The following SOX5 variants were observed in gnomAD, a reference collection of about 807,000 sequenced individuals.
The protein encoded by SOX5 is transcription factor SOX-5.
A neutral mutation model predicts 92.0 loss-of-function variants in SOX5; 9 were observed. That is an observed-to-expected ratio of 0.10 (90% CI 0.06 to 0.17). SOX5 has a LOEUF of 0.17. Ranked by LOEUF, SOX5 falls within the 10% of genes least tolerant of loss-of-function variation. The probability of loss-of-function intolerance (pLI) is 1.00; values close to 1 mark genes in which losing one functional copy is unlikely to be tolerated. For synonymous variants in SOX5, 344 were observed against 336.3 expected, an observed-to-expected ratio of 1.02 and a Z score of -0.25; for missense variants, 642 against 944.5, an observed-to-expected ratio of 0.68 and a Z score of 4.20.
chr12:23,610,947 G>C (rs1296055235), intron 8 of SOX5, among the ~76,000 whole-genome samples: 1 of 152,140 alleles, frequency 6.6e-6, no homozygotes, highest in African/African-American at 2.4e-5. Context: ...GGAAAAGACA[G>C]ATGACAAATG....
At chr12:23,977,520 G>A (rs781378655) in intron 4 of SOX5, among the ~76,000 whole-genome samples, 25 of 152,010 alleles carry the variant, frequency 1.6e-4, no homozygotes, top group Admixed American at 9.2e-4. Flanking sequence ...AGAATTAGCC[G>A]GGACCGGTGG....
chr12:23,970,841 A>ATATATATATATATATTTT lies in SOX5; in HGVS notation c.-1-74818_-1-74817insAAAATATATATATATATA. 1.8e-4 allele frequency among the ~76,000 whole-genome samples: 4 copies of ATATATATATATATATTTT among 21,880 alleles called. 2 individuals are homozygous for ATATATATATATATATTTT. Among genetic ancestry groups the ATATATATATATATATTTT allele is most frequent in the African/African-American group, 5.0e-4 (4 of 8,038 alleles). The allele number at this position is 21,880 out of a possible 152,430, so 14.4% of individuals were successfully genotyped here. ...ACATGGGACTTTATATATATATATA[A>ATATATATATATATATTTT]TTTTTTTTTTTTTTTAAGAAATGGG... On this transcript the variant is annotated intron_variant, in intron 4 of 4. Transcript: ENST00000446891.
At position 24,076,824 on chromosome 12, in the gene SOX5, TA is replaced by T. The variant is rs1018280709; in HGVS notation, c.-2+136518del. On this transcript the variant is annotated intron_variant, in intron 4 of 4. Coordinates refer to the SOX5 transcript ENST00000446891. ...GATGGCAATTTTTTCTTAAAAAAAATAAAATCCAAACCATCCCTAAAAATAG... is the reference window on the plus strand; with the variant it reads ...GATGGCAATTTTTTCTTAAAAAAAATAAATCCAAACCATCCCTAAAAATAG... Among the ~76,000 whole-genome samples, 7 of 148,072 alleles carry T rather than the reference TA, an allele frequency of 4.7e-5. No homozygotes were observed. In the South Asian group the frequency reaches 1.5e-3, roughly 32 times the overall value.
rs568020940 is a variant in SOX5, at chr12:24,093,272, A to G, written c.-2+120071T>C. On this transcript the variant is annotated intron_variant, in intron 4 of 4. Coordinates refer to the SOX5 transcript ENST00000446891. ...CGCGGTGGCTCACACCTGTAATCCC[A>G]GCACTTTGGGAGGCCGAGGCGGGCA... Among the ~76,000 whole-genome samples, 22 of 152,294 alleles carry G rather than the reference A, an allele frequency of 1.4e-4. No homozygotes were observed. The East Asian group carries it at 3.7e-3, about 25-fold the overall frequency.
intron 4 of SOX5, among the ~76,000 whole-genome samples, chr12:24,093,293 G>A (rs147903284): frequency 0.041 from 6,267 of 152,012 alleles, 141 homozygotes; most frequent in Non-Finnish European, 0.051. Flanking sequence ...AGGCCGAGGC[G>A]GGCAGATCAC....
chr12:23,960,711 G>GA (rs1405917172), intron 4 of SOX5, among the ~76,000 whole-genome samples: 8 of 150,892 alleles, frequency 5.3e-5, no homozygotes, highest in Admixed American at 4.6e-4. Context: ...TATATTAAGC[G>GA]AAAAAAACAA....
chr12:23,998,536 G>A (rs1951257120), intron 4 of SOX5, among the ~76,000 whole-genome samples: 1 of 152,090 alleles, frequency 6.6e-6, no homozygotes, highest in African/African-American at 2.4e-5. Flanking sequence ...CAGGAATGGT[G>A]GCTCATGCCT....
intron 1 of SOX5, among the ~76,000 whole-genome samples, chr12:24,406,172 G>A (rs935992466): frequency 6.6e-6 from 1 of 152,146 alleles, no homozygotes; most frequent in Admixed American, 6.5e-5. Context: ...TGGGCCAGGT[G>A]TGAGAGAGCC....
At chr12:24,424,810 G>GC (rs1966481252) in intron 1 of SOX5, among the ~76,000 whole-genome samples, 2 of 148,794 alleles carry the variant, frequency 1.3e-5, no homozygotes, top group Admixed American at 6.7e-5. Flanking sequence ...TTTTTTTTTG[G>GC]GGGGGGGGGA....
intron 5 of SOX5, among the ~76,000 whole-genome samples, chr12:23,737,936 C>A (rs192415475): frequency 1.1e-4 from 16 of 152,194 alleles, no homozygotes; most frequent in African/African-American, 3.6e-4. Flanking sequence ...TAGATAATAC[C>A]CTCATCTCCA....
intron 4 of SOX5, among the ~76,000 whole-genome samples, chr12:23,747,681 A>G (rs1484062678): frequency 2.0e-5 from 3 of 151,862 alleles, no homozygotes; most frequent in Non-Finnish European, 4.4e-5. Flanking sequence ...AGGCCAGACA[A>G]TTTTCATGGG....
intron 1 of SOX5, among the ~76,000 whole-genome samples, chr12:23,940,522 G>T (rs985779162): frequency 6.6e-6 from 1 of 151,138 alleles, no homozygotes; most frequent in African/African-American, 2.4e-5. Flanking sequence ...AGAGTTAACT[G>T]ATTTTAGAAA....
At chr12:23,880,760 C>T (rs1340344939) in intron 2 of SOX5, among the ~76,000 whole-genome samples, 1 of 152,102 alleles carries the variant, frequency 6.6e-6, no homozygotes, top group Non-Finnish European at 1.5e-5. Flanking sequence ...TTGCTTTCCC[C>T]TATAGAGATC....
At chr12:23,624,804 T>A (rs137871017) in intron 8 of SOX5, among the ~76,000 whole-genome samples, 62 of 152,312 alleles carry the variant, frequency 4.1e-4, no homozygotes, top group Middle Eastern at 3.4e-3. Flanking sequence ...TTTTACTGTA[T>A]AATAATTTTA....
intron 1 of SOX5, among the ~76,000 whole-genome samples, chr12:24,387,266 G>A (rs373249654): frequency 6.6e-6 from 1 of 152,156 alleles, no homozygotes; most frequent in South Asian, 2.1e-4. Context: ...TCCTATCCCT[G>A]TAGATCAAGC....
At chr12:23,991,850 C>T (rs923044368) in intron 4 of SOX5, among the ~76,000 whole-genome samples, 2 of 151,638 alleles carry the variant, frequency 1.3e-5, no homozygotes, top group South Asian at 2.1e-4. Flanking sequence ...TACTTCCTAG[C>T]CAAATCTATA....
chr12:23,531,119 A>G lies in SOX5; in HGVS notation c.*3100T>C, dbSNP rs1565541653. 2.0e-5 allele frequency: 3 copies of G among 152,140 alleles called. No individual in the cohort carries two copies. Among genetic ancestry groups the G allele is most frequent in the Non-Finnish European group, 2.9e-5 (2 of 68,024 alleles). 9.4% of individuals were successfully genotyped at this position (152,140 alleles called of 1,614,324 possible). On this transcript the variant is annotated 3_prime_UTR_variant, in exon 15 of 15. Coordinates refer to ENST00000451604, the MANE Select transcript of SOX5 (RefSeq NM_006940.6). Reference sequence around the variant, plus strand: ...ACTTCAAAGCACTTTCAACATTAATATAACTATTTTTGCTTTTGTTTTCTT... The same window carrying G: ...ACTTCAAAGCACTTTCAACATTAATGTAACTATTTTTGCTTTTGTTTTCTT...
At chr12:23,981,559 T>A (rs1003749595) in intron 4 of SOX5, among the ~76,000 whole-genome samples, 2 of 152,206 alleles carry the variant, frequency 1.3e-5, no homozygotes. Context: ...ATTACACATA[T>A]GCACTTATGA....
chr12:24,179,033 G>A (rs140400553), intron 4 of SOX5, among the ~76,000 whole-genome samples: 450 of 152,278 alleles, frequency 3.0e-3, no homozygotes, highest in African/African-American at 0.01. Context: ...AAAAATGACA[G>A]AGAAATGGTT....
Sources: allele counts gnomAD v4.1 joint callset (sites outside exome capture counted in the v4.1 genomes callset), GRCh38; gene constraint gnomAD v4.1.1; transcripts MANE v1.5; gene names NCBI Gene and HGNC (gene_info 2026-07-23, HGNC 2026-07-21).